Variants in THSD7A observed in about 807,000 individuals in gnomAD.
THSD7A encodes thrombospondin type 1 domain containing 7A, also known as thrombospondin type-1 domain-containing protein 7A.
In THSD7A, 96 loss-of-function variants were observed where a neutral mutation model predicts 231.3. The ratio of observed to expected loss-of-function variants is 0.41; its 90% CI spans 0.35 to 0.49. The LOEUF (loss-of-function observed/expected upper bound fraction) is 0.49. Ranked by LOEUF, THSD7A falls within the 20% of genes least tolerant of loss-of-function variation. THSD7A has a pLI of 0.05. For missense variants in THSD7A, 2,290 were observed against 2,070.2 expected (o/e 1.11, Z -2.06); for synonymous variants, 940 against 743.3 (o/e 1.26, Z -4.30).
At chr7:11,799,093 T>C (rs1784208316) in intron 1 of THSD7A, among the ~76,000 whole-genome samples, 1 of 152,158 alleles carries the variant, frequency 6.6e-6, no homozygotes, top group Non-Finnish European at 1.5e-5. Flanking sequence ...CAGATAATTT[T>C]TGTATTTTTG....
intron 1 of THSD7A, among the ~76,000 whole-genome samples, chr7:11,718,018 G>A (rs910638927): frequency 1.3e-5 from 2 of 151,432 alleles, no homozygotes; most frequent in African/African-American, 4.8e-5. Context: ...TAATCTCTAT[G>A]CACAAAGATT....
chr7:11,715,425 C>G (rs550510728), intron 1 of THSD7A, among the ~76,000 whole-genome samples: 130 of 151,448 alleles, frequency 8.6e-4, no homozygotes, highest in African/African-American at 2.9e-3. Flanking sequence ...AATTTTAATG[C>G]CTCTCTTTCT....
At position 11,440,583 on chromosome 7, in the gene THSD7A, GA is replaced by G. The variant is rs1784772876; in HGVS notation, c.3064+5477del. 3.3e-5 allele frequency among the ~76,000 whole-genome samples: 5 copies of G among 152,102 alleles called. No homozygotes were observed. The South Asian group carries it at 1.0e-3, about 32-fold the overall frequency. ...AGTTTGAATGAAGTTGGTTCTCATGGATGACTTTGAGGGGGTTCAAGACTTC... is the reference window on the plus strand; with the variant it reads ...AGTTTGAATGAAGTTGGTTCTCATGGTGACTTTGAGGGGGTTCAAGACTTC... On this transcript the variant is annotated intron_variant, in intron 13 of 27. Transcript: ENST00000423059.
chr7:11,719,746 C>T (rs550709948), intron 1 of THSD7A, among the ~76,000 whole-genome samples: 1 of 151,796 alleles, frequency 6.6e-6, no homozygotes, highest in East Asian at 2.0e-4. Flanking sequence ...AAATCTCACT[C>T]GGTGATTTCC....
At chr7:11,667,268 A>G (rs552992889) in intron 1 of THSD7A, among the ~76,000 whole-genome samples, 2 of 152,192 alleles carry the variant, frequency 1.3e-5, no homozygotes, top group South Asian at 4.1e-4. Flanking sequence ...TTGTATCGTC[A>G]TAGCTTAGCT....
At chr7:11,593,222 G>A (rs747855726) in intron 3 of THSD7A, 32 bp downstream of exon 3, 3 of 1,604,732 alleles carry the variant, frequency 1.9e-6, no homozygotes, top group South Asian at 1.1e-5. Flanking sequence ...ATGTAGTTTC[G>A]GCAGACGCTA....
intron 4 of THSD7A, among the ~76,000 whole-genome samples, chr7:11,585,409 A>G (rs977717620): frequency 2.6e-5 from 4 of 152,140 alleles, no homozygotes; most frequent in African/African-American, 9.7e-5. Flanking sequence ...TATATACAGT[A>G]AGTCCTCATT....
rs1783826769 is a variant in THSD7A at position 11,412,707 on chromosome 7, C to G, written c.3631G>C (p.Glu1211Gln). Residue 1211 changes from glutamate (E) to glutamine (Q), a missense_variant, in exon 18 of 28, where the codon GAA becomes CAA. Coordinates refer to ENST00000423059, the MANE Select transcript of THSD7A (RefSeq NM_015204.3). ...CAGTTTTTGTTCAGGTTACAGGGTT[C>G]TTTCTCAACAGCATTAGGGCAAGAT... ...GRSCPNAVEK[E>Q]PCNLNKNCYH... The G allele has an allele frequency of 2.5e-6, 4 of 1,613,802 alleles. No homozygotes were observed. The highest frequency in any genetic ancestry group is 3.4e-6 in the Non-Finnish European group (4 of 1,179,808).
intron 6 of THSD7A, among the ~76,000 whole-genome samples, chr7:11,526,952 G>A (rs1203076868): frequency 6.6e-6 from 1 of 152,082 alleles, no homozygotes; most frequent in Non-Finnish European, 1.5e-5. Flanking sequence ...ACCTTATACA[G>A]CAAGCACAAT....
chr7:11,770,966 T>A (rs1022604332), intron 1 of THSD7A, among the ~76,000 whole-genome samples: 2 of 151,544 alleles, frequency 1.3e-5, no homozygotes, highest in Non-Finnish European at 3.0e-5. Flanking sequence ...TATATAAAAT[T>A]TTAATATTCA....
chr7:11,592,739 G>T (rs929548980), intron 3 of THSD7A, among the ~76,000 whole-genome samples: 8 of 152,068 alleles, frequency 5.3e-5, no homozygotes, highest in African/African-American at 1.7e-4. Flanking sequence ...TAGTGAATAG[G>T]ATTTGTTATA....
chr7:11,629,854 C>T (rs1781592504), intron 2 of THSD7A, among the ~76,000 whole-genome samples: 1 of 152,118 alleles, frequency 6.6e-6, no homozygotes, highest in Non-Finnish European at 1.5e-5. Context: ...GTTTGGGGTT[C>T]ATTAGAATCA....
chr7:11,499,207 T>C (rs552114817), intron 6 of THSD7A, among the ~76,000 whole-genome samples: 22 of 152,294 alleles, frequency 1.4e-4, no homozygotes, highest in African/African-American at 5.3e-4. Flanking sequence ...CCTTCATGGC[T>C]TGTCACCAGA....
chr7:11,477,959 C>A (rs1329606656), intron 7 of THSD7A, among the ~76,000 whole-genome samples: 6 of 152,120 alleles, frequency 3.9e-5, no homozygotes, highest in Non-Finnish European at 7.4e-5. Flanking sequence ...ACAAATTGAA[C>A]ACCATGAATT....
chr7:11,638,399 A>G (rs1328617971), intron 1 of THSD7A, among the ~76,000 whole-genome samples: 1 of 152,228 alleles, frequency 6.6e-6, no homozygotes, highest in Non-Finnish European at 1.5e-5. Flanking sequence ...TCTTCTGTAC[A>G]TAACAATTGC....
At chr7:11,792,432 T>C (rs923568976) in intron 1 of THSD7A, among the ~76,000 whole-genome samples, 10 of 151,966 alleles carry the variant, frequency 6.6e-5, no homozygotes, top group Admixed American at 2.0e-4. Flanking sequence ...CCAAGCTCTA[T>C]CTTCCTGAGT....
intron 1 of THSD7A, among the ~76,000 whole-genome samples, chr7:11,782,733 T>A (rs1055538203): frequency 5.9e-5 from 9 of 152,160 alleles, no homozygotes; most frequent in African/African-American, 1.9e-4. Flanking sequence ...GATATTTTGC[T>A]GTGAAATGCA....
intron 6 of THSD7A, among the ~76,000 whole-genome samples, chr7:11,502,034 A>T (rs1412047783): frequency 6.6e-6 from 1 of 152,140 alleles, no homozygotes; most frequent in East Asian, 1.9e-4. Context: ...CCTAGAAGAG[A>T]TGGATAAACT....
chr7:11,568,624 CAAAAAAAAA>C (rs33930587), intron 4 of THSD7A, among the ~76,000 whole-genome samples: 1 of 48,982 alleles, frequency 2.0e-5, no homozygotes, highest in African/African-American at 6.2e-5. Flanking sequence ...AACTCCGTCT[CAAAAAAAAA>C]AAAAAAAAAA....
Sources: gnomAD v4.1 joint callset for allele counts (sites outside exome capture counted in the v4.1 genomes callset) on GRCh38, gnomAD v4.1.1 for gene constraint, MANE v1.5 for transcripts, NCBI Gene and HGNC (gene_info 2026-07-23, HGNC 2026-07-21) for gene names.